The following PRPF38B variants were observed in gnomAD, a reference collection of about 807,000 sequenced individuals.
The protein encoded by PRPF38B is pre-mRNA-splicing factor 38B.
In PRPF38B, 18 loss-of-function variants were observed where a neutral mutation model predicts 67.2. The ratio of observed to expected loss-of-function variants is 0.27; its 90% CI spans 0.19 to 0.40. The LOEUF is 0.40. Among genes scored for constraint, PRPF38B ranks in the 10% least tolerant of loss-of-function variants. The pLI is 1.00. For missense variants in PRPF38B, 544 were observed against 684.9 expected, an observed-to-expected ratio of 0.79 and a Z score of 2.30; for synonymous variants, 246 against 234.2, an observed-to-expected ratio of 1.05 and a Z score of -0.46.
intron 2 of PRPF38B, 109 bp downstream of exon 2, chr1:108,695,879 T>C (rs1056502186): frequency 4.3e-6 from 6 of 1,394,548 alleles, no homozygotes; most frequent in Non-Finnish European, 5.9e-6. Context: ...ATTTTTTTAA[T>C]CCAAATTCAA....
At chr1:108,696,558 A>G in intron 4 of PRPF38B, 1 of 608,684 alleles carries the variant, frequency 1.6e-6, no homozygotes, top group South Asian at 2.2e-5. Context: ...AATTGTTTAA[A>G]TGTGTTTGGT....
In PRPF38B at chr1:108,699,395, G is replaced by T. The variant is rs779515848; in HGVS notation, c.1016G>T (p.Arg339Leu). The change falls in exon 6 of 6, where the codon CGC becomes CTC. Residue 339 changes from arginine (R) to leucine (L), a missense_variant. Physicochemically the swap from Arg to Leu is moderately radical, Grantham distance 102 (BLOSUM62 -2). Coordinates refer to ENST00000370025, the MANE Select transcript of PRPF38B (RefSeq NM_018061.4). ...RSRSRERHRSRSRSRDRKGDR... is the reference protein window; with the variant it reads ...RSRSRERHRSLSRSRDRKGDR... Reference sequence around the variant, plus strand: ...AGAAGTAGGGAAAGGCATAGAAGTCGCAGTCGAAGTCGTGATAGGAAAGGG... The same window carrying T: ...AGAAGTAGGGAAAGGCATAGAAGTCTCAGTCGAAGTCGTGATAGGAAAGGG... 5 of 1,613,016 alleles carry T rather than the reference G, an allele frequency of 3.1e-6. No homozygotes were observed. The highest frequency in any genetic ancestry group is 1.1e-5 in the South Asian group (1 of 91,078).
chr1:108,698,575 C>A, intron 4 of PRPF38B, 29 bp from the exon 5 acceptor site: 1 of 1,469,656 alleles, frequency 6.8e-7, no homozygotes, highest in Non-Finnish European at 9.4e-7. Context: ...CTTTTTTTGA[C>A]GGCTAGGGTA....
Position 108,696,143 on chromosome 1 carries a change from T to C in PRPF38B, c.446T>C (p.Ile149Thr). The change falls in exon 3 of 6, where the codon ATA becomes ACA. Residue 149 changes from isoleucine (I) to threonine (T), a missense_variant. Physicochemically the swap from Ile to Thr is moderately conservative, Grantham distance 89. Around this residue, in one of 5 missense-constraint regions of PRPF38B, gnomAD observed 57 missense variants for 122.7 expected, o/e 0.46. Coordinates refer to ENST00000370025, the MANE Select transcript of PRPF38B (RefSeq NM_018061.4). ...KLTRKQVMGL[I>T]THTDSPYIRA... ...ACTCGAAAGCAAGTGATGGGTCTTA[T>C]AACACACACAGACTCTCCATATATT... 1.9e-6 allele frequency: 3 copies of C among 1,614,060 alleles called. No individual in the cohort carries two copies. Among genetic ancestry groups the C allele is most frequent in the East Asian group, 2.2e-5 (1 of 44,860 alleles).
intron 1 of PRPF38B, among the ~76,000 whole-genome samples, chr1:108,695,425 A>G (rs1473599909): frequency 6.6e-6 from 1 of 152,214 alleles, no homozygotes; most frequent in East Asian, 1.9e-4. Context: ...TGACTCCCAG[A>G]TGTAGATATC....
chr1:108,694,207 CT>C (rs759577413), intron 1 of PRPF38B, among the ~76,000 whole-genome samples: 1 of 152,046 alleles, frequency 6.6e-6, no homozygotes, highest in Admixed American at 6.6e-5. Flanking sequence ...AAGGTAAGAC[CT>C]TTTTAGCATG....
rs1465520269 is a variant in PRPF38B, at chr1:108,702,200, A to G, written c.*2180A>G. ...GAGTGCAGTGGTGCAATCTCTGCTC[A>G]CTGCAGCCTCCACTTCCCTGGCTCA... On this transcript the variant is annotated 3_prime_UTR_variant, in exon 6 of 6. Transcript: ENST00000370025. Among the ~76,000 whole-genome samples, 2 of 152,152 alleles carry G rather than the reference A, an allele frequency of 1.3e-5. No homozygotes were observed. The highest frequency in any genetic ancestry group is 3.9e-4 in the East Asian group (2 of 5,192).
At chr1:108,694,828 C>T (rs890618566) in intron 1 of PRPF38B, among the ~76,000 whole-genome samples, 1 of 151,284 alleles carries the variant, frequency 6.6e-6, no homozygotes, top group African/African-American at 2.4e-5. Context: ...AGTTAATATT[C>T]TTTTGTTGTT....
At chr1:108,697,909 A>G (rs574882242) in intron 4 of PRPF38B, 4 of 152,198 alleles carry the variant, frequency 2.6e-5, no homozygotes, top group East Asian at 3.8e-4. Context: ...TCCTGTTTAG[A>G]TAACAAATCT....
rs148975514 is a variant in PRPF38B, at chr1:108,696,132, G to A, written c.435G>A (p.Val145=). ...CCCTGAAGTTAACTCGAAAGCAAGT[G>A]ATGGGTCTTATAACACACACAGACT... ...LFTLKLTRKQ[V]MGLITHTDSP... Residue 145 remains valine, a synonymous_variant, in exon 3 of 6, where the codon GTG becomes GTA. Coordinates refer to ENST00000370025, the MANE Select transcript of PRPF38B (RefSeq NM_018061.4). The A allele has an allele frequency of 7.1e-5, 115 of 1,613,900 alleles. 1 individual carries two copies. Among genetic ancestry groups the A allele is most frequent in the Non-Finnish European group, 8.3e-5 (98 of 1,179,910 alleles).
Position 108,699,400 on chromosome 1 carries a change from C to T in PRPF38B, c.1021C>T (p.Arg341Ter), listed in dbSNP as rs1660209397. The T allele has an allele frequency of 6.2e-7, 1 of 1,613,442 alleles. No homozygotes were observed. Among genetic ancestry groups the T allele is most frequent in the African/African-American group, 1.3e-5 (1 of 74,638 alleles). Residue 341 changes from arginine (R) to a stop codon, truncating the protein, a stop_gained, in exon 6 of 6, where the codon CGA becomes TGA. Transcript: ENST00000370025. LOFTEE classifies it high-confidence loss of function. Reference sequence around the variant, plus strand: ...TAGGGAAAGGCATAGAAGTCGCAGTCGAAGTCGTGATAGGAAAGGGGATAG... The same window carrying T: ...TAGGGAAAGGCATAGAAGTCGCAGTTGAAGTCGTGATAGGAAAGGGGATAG... ...RSRERHRSRS[R>*]SRDRKGDRRD...
Position 108,700,489 on chromosome 1 carries a change from T to G in PRPF38B, c.*469T>G, listed in dbSNP as rs1456742881. ...GGATGTCTATTATAGGAGAAGTATG[T>G]GCTGCCAATGTACAAGAAGGCAGCA... On this transcript the variant is annotated 3_prime_UTR_variant, in exon 6 of 6. Transcript: ENST00000370025. The G allele has an allele frequency of 5.8e-5, 9 of 154,728 alleles. No homozygotes were observed. The highest frequency in any genetic ancestry group is 5.8e-4 in the Admixed American group (9 of 15,632). 9.6% of individuals were successfully genotyped at this position (154,728 alleles called of 1,614,324 possible). A position where few individuals can be genotyped will look rare whatever the true frequency, so the allele number is the denominator to read the frequency against.
At chr1:108,696,628 G>A in intron 4 of PRPF38B, 3 of 675,694 alleles carry the variant, frequency 4.4e-6, no homozygotes, top group Non-Finnish European at 5.4e-6. Context: ...ATCCTGAATT[G>A]TATAGTTAAT....
intron 4 of PRPF38B, 96 bp downstream of exon 4, chr1:108,696,433 C>T: frequency 3.6e-6 from 4 of 1,117,768 alleles, no homozygotes; most frequent in African/African-American, 1.6e-5. Flanking sequence ...CAAGAACTTC[C>T]TGTAGTTAAA....
At position 108,692,661 on chromosome 1, in the gene PRPF38B, C is replaced by G. The variant is rs772499851; in HGVS notation, c.70C>G (p.Gln24Glu). The G allele has an allele frequency of 1.2e-6, 2 of 1,612,324 alleles. No individual in the cohort carries two copies. The highest frequency in any genetic ancestry group is 1.7e-6 in the Non-Finnish European group (2 of 1,179,674). ...PQHQAAAAAA[Q>E]QQQQCGGGGA... ...GCACCAGGCGGCTGCAGCTGCGGCTCAGCAACAGCAGCAGTGCGGCGGCGG... is the reference window on the plus strand; with the variant it reads ...GCACCAGGCGGCTGCAGCTGCGGCTGAGCAACAGCAGCAGTGCGGCGGCGG... The change falls in exon 1 of 6, where the codon CAG becomes GAG. Residue 24 changes from glutamine to glutamate, a missense_variant. Physicochemically the swap from Gln to Glu is conservative, Grantham distance 29. Coordinates refer to ENST00000370025, the MANE Select transcript of PRPF38B (RefSeq NM_018061.4).
rs1413279120 is a variant in PRPF38B at position 108,700,614 on chromosome 1, A to T, written c.*594A>T. On this transcript the variant is annotated 3_prime_UTR_variant, in exon 6 of 6. Transcript: ENST00000370025. The stretch of plus-strand genomic sequence containing the variant: ...CCACAGTTACCTTTAGAGAGAATTT[A>T]TGAGAAGTTAGTTTCTGATGCAGAG... 5 of 152,792 alleles carry T rather than the reference A, an allele frequency of 3.3e-5. No individual in the cohort carries two copies. Among genetic ancestry groups the T allele is most frequent in the Admixed American group, 1.3e-4 (2 of 15,302 alleles). 9.5% of individuals were successfully genotyped at this position (152,792 alleles called of 1,614,324 possible).
rs758627196 is a variant in PRPF38B at position 108,698,774 on chromosome 1, T to G, written c.729T>G (p.Asp243Glu). The G allele has an allele frequency of 6.2e-7, 1 of 1,613,858 alleles. No individual in the cohort carries two copies. Reference sequence around the variant, plus strand: ...CCCGACCTAGAAAAATCAAGAAAGATGGGAAGGAAGGTGCTGAGGAAATAG... The same window carrying G: ...CCCGACCTAGAAAAATCAAGAAAGAGGGGAAGGAAGGTGCTGAGGAAATAG... ...IKTRPRKIKK[D>E]GKEGAEEIDR... is the part of the protein sequence containing the mutation. Residue 243 changes from aspartate (D) to glutamate (E), a missense_variant, in exon 5 of 6, where the codon GAT becomes GAG. Physicochemically the swap from Asp to Glu is conservative, Grantham distance 45 (BLOSUM62 2). This residue lies in a region of PRPF38B where 387 missense variants were observed against 386.1 expected (regional missense o/e 1.00). Transcript: ENST00000370025.
At chr1:108,695,590 C>T in intron 1 of PRPF38B, 112 bp from the exon 2 acceptor site, 1 of 1,025,942 alleles carries the variant, frequency 9.7e-7, no homozygotes, top group Non-Finnish European at 1.4e-6. Context: ...ATACTTAATG[C>T]CAAAATAATT....
In PRPF38B at chr1:108,700,251, ATTG is replaced by A. The variant is rs1342672341; in HGVS notation, c.*234_*236del. On this transcript the variant is annotated 3_prime_UTR_variant, in exon 6 of 6. Transcript: ENST00000370025. ...ATGCACAGATTGTTCTTGCATTTTT[ATTG>A]TTTGTTTTTGAAATGTACAGTCTGT... 5 of 676,410 alleles carry A rather than the reference ATTG, an allele frequency of 7.4e-6. No individual in the cohort carries two copies. Among genetic ancestry groups the A allele is most frequent in the Non-Finnish European group, 1.1e-5 (5 of 467,006 alleles). 41.9% of individuals were successfully genotyped at this position (676,410 alleles called of 1,614,324 possible). A position where few individuals can be genotyped will look rare whatever the true frequency, so the allele number is the denominator to read the frequency against.
Sources: allele counts gnomAD v4.1 joint callset (sites outside exome capture counted in the v4.1 genomes callset), GRCh38; gene constraint gnomAD v4.1.1; regional missense constraint gnomAD v4.1.1; transcripts MANE v1.5; gene names NCBI Gene and HGNC (gene_info 2026-07-23, HGNC 2026-07-21).